NBAS: variants seen among roughly 807,000 people sequenced by gnomAD.
The protein encoded by NBAS is NAG/BC035112 fusion.
Under a neutral mutation model 302.5 loss-of-function variants are expected in NBAS, and 219 were observed. The ratio of observed to expected loss-of-function variants is 0.72; its 90% confidence interval spans 0.65 to 0.81. The LOEUF (loss-of-function observed/expected upper bound fraction) is 0.81. Among genes scored for constraint, NBAS ranks in the 30% least tolerant of loss-of-function variants. NBAS has a pLI of 0.00. For missense variants in NBAS, 2,932 were observed against 2,841.6 expected, an observed-to-expected ratio of 1.03 and a Z score of -0.72; for synonymous variants, 1,118 against 1,021.6, an observed-to-expected ratio of 1.09 and a Z score of -1.80.
At chr2:14,881,926 A>T in the NBAS span, among the ~76,000 whole-genome samples, 8 of 152,200 alleles carry the variant, frequency 5.3e-5, no homozygotes, top group African/African-American at 1.9e-4. Context: ...TGTGGCAAAT[A>T]CAGAGTAAAT....
At chr2:14,816,319 C>T in the NBAS span, among the ~76,000 whole-genome samples, 1 of 152,194 alleles carries the variant, frequency 6.6e-6, no homozygotes, top group Non-Finnish European at 1.5e-5. Context: ...GGAGCATGAA[C>T]CCTATTGTGA....
chr2:15,391,988 A>G (rs1290999845), intron 28 of NBAS, among the ~76,000 whole-genome samples: 2 of 151,190 alleles, frequency 1.3e-5, no homozygotes, highest in African/African-American at 4.9e-5. Flanking sequence ...ACAAACAAAG[A>G]TGTACAAATG....
chr2:15,537,130 T>C (rs1354678362), intron 7 of NBAS, among the ~76,000 whole-genome samples: 3 of 152,200 alleles, frequency 2.0e-5, no homozygotes, highest in Non-Finnish European at 2.9e-5. Context: ...GATTCGAATA[T>C]GCCGACCCAA....
chr2:15,494,252 C>T (rs1415932923), intron 11 of NBAS, among the ~76,000 whole-genome samples: 4 of 152,198 alleles, frequency 2.6e-5, no homozygotes, highest in Non-Finnish European at 5.9e-5. Context: ...GAACATTAAA[C>T]TTGGCTCTGC....
the NBAS span, among the ~76,000 whole-genome samples, chr2:14,883,674 C>A: frequency 8.5e-5 from 13 of 152,066 alleles, no homozygotes; most frequent in Non-Finnish European, 1.8e-4. Context: ...CTACCCTCCT[C>A]CCCCAGAAAT....
chr2:14,941,907 G>A, the NBAS span, among the ~76,000 whole-genome samples: 1 of 152,114 alleles, frequency 6.6e-6, no homozygotes, highest in African/African-American at 2.4e-5. Flanking sequence ...TCTACTGGTT[G>A]GAGGATGAGT....
chr2:15,554,880 T>C (rs576117696), intron 3 of NBAS, among the ~76,000 whole-genome samples: 36 of 152,100 alleles, frequency 2.4e-4, no homozygotes, highest in Non-Finnish European at 5.1e-4. Context: ...TTTACTCATG[T>C]GATGCAAGAA....
chr2:15,326,476 T>C (rs1672073209), intron 38 of NBAS, among the ~76,000 whole-genome samples: 1 of 152,212 alleles, frequency 6.6e-6, no homozygotes, highest in African/African-American at 2.4e-5. Flanking sequence ...TCTCAGATTC[T>C]ATCTGTACAA....
chr2:15,266,187 C>T (rs972302115), intron 44 of NBAS, among the ~76,000 whole-genome samples: 4 of 152,172 alleles, frequency 2.6e-5, no homozygotes, highest in African/African-American at 9.7e-5. Context: ...TTGTAAGTTT[C>T]CTGAAGCCTC....
intron 32 of NBAS, among the ~76,000 whole-genome samples, chr2:15,361,280 AGGTG>A (rs1169081147): frequency 7.9e-5 from 12 of 152,290 alleles, no homozygotes; most frequent in African/African-American, 2.9e-4. Flanking sequence ...TGGGAGGCCG[AGGTG>A]GGTGGATCAC....
intron 21 of NBAS, among the ~76,000 whole-genome samples, chr2:15,456,501 C>G (rs1011541997): frequency 1.3e-5 from 2 of 152,208 alleles, no homozygotes; most frequent in East Asian, 3.8e-4. Context: ...CTGGTTTGTA[C>G]TAGGCACTGT....
chr2:15,431,489 T>A (rs1282016895), intron 21 of NBAS, among the ~76,000 whole-genome samples: 1 of 152,210 alleles, frequency 6.6e-6, no homozygotes, highest in Non-Finnish European at 1.5e-5. Context: ...GATTCTTGTT[T>A]ATTTTGTCTA....
Position 15,396,485 on chromosome 2 carries a change from T to TA in NBAS, c.3072-11dup. ...TGCCTCTGTCTTATCACTAATAAATTAAAAGAAGAAAAAAAAAAGCCCTTA... is the reference window on the plus strand; with the variant it reads ...TGCCTCTGTCTTATCACTAATAAATTAAAAAGAAGAAAAAAAAAAGCCCTTA... On this transcript the variant is annotated splice_polypyrimidine_tract_variant and intron_variant, in intron 26 of 51. Transcript: ENST00000281513. 1 of 1,548,026 alleles carries TA rather than the reference T, an allele frequency of 6.5e-7. No individual in the cohort carries two copies. The highest frequency in any genetic ancestry group is 1.4e-5 in the African/African-American group (1 of 71,716).
At chr2:15,032,018 C>T in the NBAS span, among the ~76,000 whole-genome samples, 11 of 152,276 alleles carry the variant, frequency 7.2e-5, no homozygotes, top group South Asian at 2.1e-4. Flanking sequence ...GGCTGGCTAG[C>T]GCCACAGTGC....
At chr2:15,115,363 G>T in the NBAS span, among the ~76,000 whole-genome samples, 1 of 152,178 alleles carries the variant, frequency 6.6e-6, no homozygotes, top group East Asian at 1.9e-4. Context: ...GTAAAACTTA[G>T]ATTTGATTAT....
chr2:15,017,904 T>C, the NBAS span, among the ~76,000 whole-genome samples: 7 of 152,010 alleles, frequency 4.6e-5, no homozygotes, highest in East Asian at 3.9e-4. Flanking sequence ...TTCCCAATAA[T>C]AGATGAATGG....
At chr2:15,458,017 A>C (rs992518013) in intron 21 of NBAS, among the ~76,000 whole-genome samples, 22 of 152,218 alleles carry the variant, frequency 1.4e-4, no homozygotes, top group African/African-American at 5.1e-4. Flanking sequence ...ATGACACAAG[A>C]GGACCTAATT....
intron 12 of NBAS, among the ~76,000 whole-genome samples, chr2:15,487,365 G>A (rs1029266532): frequency 1.3e-5 from 2 of 152,054 alleles, no homozygotes; most frequent in Non-Finnish European, 2.9e-5. Context: ...GTCATCCCTC[G>A]GTATATGCAG....
At chr2:15,344,630 G>T (rs542049628) in intron 35 of NBAS, among the ~76,000 whole-genome samples, 1 of 152,268 alleles carries the variant, frequency 6.6e-6, no homozygotes, top group South Asian at 2.1e-4. Flanking sequence ...CCAAACAACT[G>T]AAAAGGAGGG....
Sources: gnomAD v4.1 joint callset for allele counts (sites outside exome capture counted in the v4.1 genomes callset) on GRCh38, gnomAD v4.1.1 for gene constraint, MANE v1.5 for transcripts, NCBI Gene and HGNC (gene_info 2026-07-23, HGNC 2026-07-21) for gene names.